TAF12: variants seen among roughly 807,000 people sequenced by gnomAD.
The protein encoded by TAF12 is transcription initiation factor TFIID subunit 12.
Under a neutral mutation model 20.8 loss-of-function variants are expected in TAF12, and 3 were observed. That is an observed-to-expected ratio of 0.14 (90% CI 0.07 to 0.37). The LOEUF (loss-of-function observed/expected upper bound fraction) is 0.37. Ranked by LOEUF, TAF12 falls within the 10% of genes least tolerant of loss-of-function variation. The pLI, the probability that TAF12 is intolerant of heterozygous loss-of-function variation, is 1.00. For missense variants in TAF12, 131 were observed against 197.9 expected (o/e 0.66, Z 2.03); for synonymous variants, 69 against 70.2 (o/e 0.98, Z 0.09).
At chr1:28,647,374 A>C (rs1012081624), upstream of TAF12, among the ~76,000 whole-genome samples, 1 of 151,820 alleles carries the variant, frequency 6.6e-6, no homozygotes, top group African/African-American at 2.4e-5. Flanking sequence ...TGTAGCCTTG[A>C]CTTCCCTGGC....
intron 1 of TAF12, among the ~76,000 whole-genome samples, chr1:28,633,865 T>C (rs1667726095): frequency 6.7e-6 from 1 of 148,774 alleles, no homozygotes; most frequent in Admixed American, 6.8e-5. Context: ...TGAGCCGAGA[T>C]TGTGCCATCG....
intron 3 of TAF12, among the ~76,000 whole-genome samples, chr1:28,614,625 G>A (rs1397515360): frequency 6.6e-6 from 1 of 151,680 alleles, no homozygotes; most frequent in Non-Finnish European, 1.5e-5. Flanking sequence ...AGAGGTTGCA[G>A]TGAGCCGAGA....
intron 1 of TAF12, among the ~76,000 whole-genome samples, chr1:28,637,924 G>A (rs943028208): frequency 5.9e-5 from 9 of 152,156 alleles, no homozygotes; most frequent in Non-Finnish European, 1.2e-4. Context: ...GCAGATGTAG[G>A]AGGATCACTT....
At chr1:28,603,750 C>A (rs1666577569) in intron 5 of TAF12, among the ~76,000 whole-genome samples, 176 bp from the exon 6 acceptor site, 1 of 152,076 alleles carries the variant, frequency 6.6e-6, no homozygotes, top group South Asian at 2.1e-4. Context: ...GTCTGCAAGG[C>A]CCCAAGAGAT....
At chr1:28,632,264 G>A (rs1557471298) in intron 1 of TAF12, among the ~76,000 whole-genome samples, 4 of 151,996 alleles carry the variant, frequency 2.6e-5, no homozygotes, top group African/African-American at 7.2e-5. Flanking sequence ...ATGGTGAAAC[G>A]CTCTCTACTA....
intron 4 of TAF12, among the ~76,000 whole-genome samples, chr1:28,607,967 T>TGAA (rs1666722679): frequency 6.6e-6 from 1 of 151,934 alleles, no homozygotes. Context: ...TGAAACCTCC[T>TGAA]ATCTACTAAA....
intron 1 of TAF12, chr1:28,623,922 C>T (rs1667300319): frequency 1.0e-6 from 1 of 980,866 alleles, no homozygotes; most frequent in African/African-American, 1.7e-5. Flanking sequence ...AAGTTCTGCT[C>T]ACAGTAGCCT....
At chr1:28,622,796 A>G (rs543518006) in intron 1 of TAF12, among the ~76,000 whole-genome samples, 105 of 151,526 alleles carry the variant, frequency 6.9e-4, no homozygotes, top group Non-Finnish European at 1.4e-3. Flanking sequence ...CAAGGCGGGT[A>G]GATCACCTGA....
Position 28,643,029 on chromosome 1 carries a change from T to C in TAF12, c.-122A>G, listed in dbSNP as rs931363131. ...CTATCTCCCCATGATATGCAGAGAC[T>C]GCCCCAGTGAAGCGTTCGTCTCAGC... On this transcript the variant is annotated 5_prime_UTR_variant, in exon 1 of 6. Transcript: ENST00000373824. The C allele has an allele frequency of 1.3e-5, 13 of 985,826 alleles. No homozygotes were observed. The highest frequency in any genetic ancestry group is 7.0e-5 in the African/African-American group (4 of 57,256). The allele number at this position is 985,826 out of a possible 1,614,324, so 61.1% of individuals were successfully genotyped here. A position where few individuals can be genotyped will look rare whatever the true frequency, so the allele number is the denominator to read the frequency against.
At chr1:28,625,327 C>T (rs1329230040) in intron 1 of TAF12, among the ~76,000 whole-genome samples, 1 of 152,036 alleles carries the variant, frequency 6.6e-6, no homozygotes, top group Non-Finnish European at 1.5e-5. Context: ...CTGTTTGAGC[C>T]CAGGACTTTC....
At chr1:28,609,881 AT>A (rs901530744) in intron 4 of TAF12, among the ~76,000 whole-genome samples, 6 of 152,178 alleles carry the variant, frequency 3.9e-5, no homozygotes, top group Non-Finnish European at 7.3e-5. Context: ...CTCTATATCC[AT>A]TAAACAACTC....
chr1:28,628,612 C>T (rs61786033), intron 1 of TAF12, among the ~76,000 whole-genome samples: 2 of 150,234 alleles, frequency 1.3e-5, no homozygotes, highest in African/African-American at 4.9e-5. Context: ...AAAAAAAACC[C>T]ACAGAATTAT....
intron 3 of TAF12, among the ~76,000 whole-genome samples, chr1:28,617,587 C>T (rs1346358638): frequency 6.6e-6 from 1 of 151,872 alleles, no homozygotes; most frequent in Non-Finnish European, 1.5e-5. Context: ...GCTGGGACTA[C>T]AGGCGCCCGC....
chr1:28,642,977 G>A lies in TAF12; in HGVS notation c.-85+15C>T, dbSNP rs1668087256. ...TCCCGCTCTTGTTCCTCAACTGCCA[G>A]GGCCCAAGACTCACAGGCAGCAGCG... On this transcript the variant is annotated intron_variant, in intron 1 of 5. Coordinates refer to ENST00000373824, the MANE Select transcript of TAF12 (RefSeq NM_005644.4). 2.0e-6 allele frequency: 2 copies of A among 986,226 alleles called. 1 individual carries two copies. The allele number at this position is 986,226 out of a possible 1,614,324, so 61.1% of individuals were successfully genotyped here. A position where few individuals can be genotyped will look rare whatever the true frequency, so the allele number is the denominator to read the frequency against.
exon 1 of TAF12, chr1:28,648,248 TC>T: frequency 1.0e-6 from 1 of 985,260 alleles, no homozygotes; most frequent in Non-Finnish European, 1.2e-6. Context: ...ACGCCTTCTG[TC>T]GTGAGCAGTT....
At chr1:28,643,264 A>G (rs1305367326), upstream of TAF12, 6 of 240,352 alleles carry the variant, frequency 2.5e-5, no homozygotes, top group Non-Finnish European at 4.0e-5. Context: ...TGGCAGCATG[A>G]GCGAGCTCTG....
chr1:28,622,018 G>GC lies in TAF12; in HGVS notation c.63_64insG (p.Pro22AlafsTer13). ...GAGCCTTGTGGAGGGGTGCTGGCTG[G>GC]TTCCGGTTTTATGGATGAGAAATTG... is the stretch of plus-strand genomic sequence containing the variant. On this transcript the variant is annotated frameshift_variant, in exon 2 of 6. Coordinates refer to ENST00000373824, the MANE Select transcript of TAF12 (RefSeq NM_005644.4). LOFTEE classifies it high-confidence loss of function. 2 of 1,614,032 alleles carry GC rather than the reference G, an allele frequency of 1.2e-6. No individual in the cohort carries two copies. The highest frequency in any genetic ancestry group is 1.7e-6 in the Non-Finnish European group (2 of 1,180,004).
intron 4 of TAF12, among the ~76,000 whole-genome samples, chr1:28,609,628 A>C (rs972021321): frequency 4.6e-5 from 7 of 151,912 alleles, no homozygotes; most frequent in Non-Finnish European, 1.0e-4. Flanking sequence ...CTGGGACTAC[A>C]GGCGTGCACC....
intron 4 of TAF12, among the ~76,000 whole-genome samples, chr1:28,612,118 G>A (rs1457460616): frequency 6.6e-6 from 1 of 152,128 alleles, no homozygotes; most frequent in African/African-American, 2.4e-5. Context: ...GTCATGGGCT[G>A]ATCTGCACCG....
Sources: gnomAD v4.1 joint callset for allele counts (sites outside exome capture counted in the v4.1 genomes callset) on GRCh38, gnomAD v4.1.1 for gene constraint, MANE v1.5 for transcripts, NCBI Gene and HGNC (gene_info 2026-07-23, HGNC 2026-07-21) for gene names.